ADARB2: variants seen among roughly 807,000 people sequenced by gnomAD.
ADARB2 encodes the protein inactive double-stranded RNA-specific editase B2.
Under a neutral mutation model 62.2 loss-of-function variants are expected in ADARB2, and 25 were observed. The ratio of observed to expected loss-of-function variants is 0.40; its 90% CI spans 0.29 to 0.56. The LOEUF (loss-of-function observed/expected upper bound fraction) is 0.56. ADARB2 is among the 20% of genes least tolerant of loss of function. The probability of loss-of-function intolerance (pLI) is 0.43; values close to 1 mark genes in which losing one functional copy is unlikely to be tolerated. For synonymous variants in ADARB2, 572 were observed against 500.8 expected (o/e 1.14, Z -1.90); for missense variants, 1,071 against 1,077.4 (o/e 0.99, Z 0.08).
At chr10:1,278,789 C>T (rs1216263178) in intron 3 of ADARB2, among the ~76,000 whole-genome samples, 1 of 152,032 alleles carries the variant, frequency 6.6e-6, no homozygotes, top group African/African-American at 2.4e-5. Flanking sequence ...ATGTTTTTTC[C>T]TGCATGATTA....
At position 1,398,223 on chromosome 10, in the gene ADARB2, C is replaced by G. The variant is rs540670475; in HGVS notation, c.101-19063G>C. On this transcript the variant is annotated intron_variant, in intron 1 of 9. Coordinates refer to ENST00000381312, the MANE Select transcript of ADARB2 (RefSeq NM_018702.4). The surrounding 1 kb of genome is among the most constrained non-coding windows in gnomAD (Gnocchi z 4.1). ...TGGGTCACCATCAGTCTCTCCCCTC[C>G]CGAGTGCAGGCTTCCTGGGTCACCG... is the stretch of plus-strand genomic sequence containing the variant. Among the ~76,000 whole-genome samples the G allele has an allele frequency of 2.0e-5, 3 of 151,570 alleles. No individual in the cohort carries two copies. The highest frequency in any genetic ancestry group is 4.4e-5 in the Non-Finnish European group (3 of 67,882).
At chr10:1,687,130 G>T (rs919380412) in intron 1 of ADARB2, among the ~76,000 whole-genome samples, 1 of 151,060 alleles carries the variant, frequency 6.6e-6, no homozygotes, top group African/African-American at 2.4e-5. Context: ...GGGTTCAAGC[G>T]ATTCTCCTGC....
intron 5 of ADARB2, among the ~76,000 whole-genome samples, chr10:1,240,918 C>T (rs1830914422): frequency 6.6e-6 from 1 of 152,208 alleles, no homozygotes; most frequent in Non-Finnish European, 1.5e-5. Flanking sequence ...CCGCAGGCCT[C>T]AGGGAACTGA....
chr10:1,692,794 G>T (rs933522496), intron 1 of ADARB2, among the ~76,000 whole-genome samples: 2 of 152,060 alleles, frequency 1.3e-5, no homozygotes, highest in Non-Finnish European at 2.9e-5. Context: ...GAATAAGAAC[G>T]GTCAAAATAT....
chr10:1,454,412 C>T (rs1831073484), intron 1 of ADARB2, among the ~76,000 whole-genome samples: 1 of 152,132 alleles, frequency 6.6e-6, no homozygotes, highest in African/African-American at 2.4e-5. Context: ...AATGGCAGCA[C>T]AATTTATGAT....
chr10:1,490,904 C>T (rs1028489785), intron 1 of ADARB2, among the ~76,000 whole-genome samples: 1 of 152,140 alleles, frequency 6.6e-6, no homozygotes, highest in Non-Finnish European at 1.5e-5. Context: ...GATAGGATGC[C>T]ATGTCTAAGC....
chr10:1,304,196 G>T (rs1471407732), intron 3 of ADARB2, among the ~76,000 whole-genome samples: 1 of 151,466 alleles, frequency 6.6e-6, no homozygotes, highest in Non-Finnish European at 1.5e-5. Context: ...CAAGCAAATG[G>T]AAAACAAAAA....
rs11250388 is a variant in ADARB2, at chr10:1,294,795, A to G, written c.1078-23726T>C. 4.7e-3 allele frequency among the ~76,000 whole-genome samples: 717 copies of G among 152,228 alleles called. 8 individuals are homozygous for G. The highest frequency in any genetic ancestry group is 0.016 in the African/African-American group (658 of 41,536). On this transcript the variant is annotated intron_variant, in intron 3 of 9. Transcript: ENST00000381312. ...TGCCAGCCCTAATTAGCGCTACCCA[A>G]TTCTGACAACCCATGTGCCCACAGC... is the stretch of plus-strand genomic sequence containing the variant.
intron 2 of ADARB2, among the ~76,000 whole-genome samples, chr10:1,377,814 T>G (rs1410674929): frequency 6.6e-6 from 1 of 152,112 alleles, no homozygotes; most frequent in East Asian, 1.9e-4. Flanking sequence ...TGACCTTCGC[T>G]CTGGTCCTGA....
At chr10:1,315,352 G>C (rs977413977) in intron 3 of ADARB2, among the ~76,000 whole-genome samples, 1 of 152,184 alleles carries the variant, frequency 6.6e-6, no homozygotes, top group Admixed American at 6.5e-5. Context: ...ATTGCTGCTG[G>C]GGCACCCAGC....
chr10:1,510,110 C>CTCTTTCCTTCTTTCTT (rs1831908837), intron 1 of ADARB2, among the ~76,000 whole-genome samples: 1 of 106,184 alleles, frequency 9.4e-6, no homozygotes, highest in Admixed American at 1.1e-4. Flanking sequence ...CTTTCTTTCT[C>CTCTTTCCTTCTTTCTT]TCTTTCTTTC....
At chr10:1,235,446 C>T (rs1564230560) in intron 5 of ADARB2, among the ~76,000 whole-genome samples, 3 of 33,772 alleles carry the variant, frequency 8.9e-5, no homozygotes, top group Admixed American at 8.4e-4. Context: ...ACGAACATGC[C>T]TGCATTTCCT....
intron 4 of ADARB2, among the ~76,000 whole-genome samples, chr10:1,266,018 AG>A (rs1206435291): frequency 8.7e-6 from 1 of 115,516 alleles, no homozygotes; most frequent in African/African-American, 3.6e-5. Flanking sequence ...ACGGCCTGAG[AG>A]GGGGGCCCAG....
intron 1 of ADARB2, among the ~76,000 whole-genome samples, chr10:1,476,841 G>T (rs1438906481): frequency 6.6e-6 from 1 of 152,150 alleles, no homozygotes; most frequent in African/African-American, 2.4e-5. Flanking sequence ...GGCCCTCTGG[G>T]GTGTGGAGGG....
At chr10:1,197,688 G>A (rs1836929115) in intron 8 of ADARB2, among the ~76,000 whole-genome samples, 1 of 152,220 alleles carries the variant, frequency 6.6e-6, no homozygotes. Context: ...GAGGTGGGCT[G>A]TAAAAATAAT....
intron 1 of ADARB2, among the ~76,000 whole-genome samples, chr10:1,489,304 G>C (rs974993213): frequency 3.4e-5 from 5 of 149,234 alleles, no homozygotes; most frequent in African/African-American, 1.3e-4. Context: ...TCAGCAAGGC[G>C]TGACAGTGCC....
At chr10:1,464,096 A>T (rs1831212833) in intron 1 of ADARB2, among the ~76,000 whole-genome samples, 1 of 149,894 alleles carries the variant, frequency 6.7e-6, no homozygotes, top group Admixed American at 6.6e-5. Context: ...CGCTGGGGGC[A>T]GTCACAGCGG....
intron 7 of ADARB2, among the ~76,000 whole-genome samples, chr10:1,207,449 T>G (rs981657184): frequency 2.0e-5 from 3 of 152,192 alleles, no homozygotes; most frequent in African/African-American, 7.2e-5. Flanking sequence ...AGGAAGGACC[T>G]ACACTCTGAG....
intron 3 of ADARB2, among the ~76,000 whole-genome samples, chr10:1,326,791 A>G (rs747386163): frequency 0.015 from 1,098 of 74,302 alleles, 32 homozygotes; most frequent in South Asian, 0.047. Flanking sequence ...CTCACTGCCC[A>G]GCGCCTCCCC....
Sources: gnomAD v4.1 joint callset for allele counts (sites outside exome capture counted in the v4.1 genomes callset) on GRCh38, gnomAD v4.1.1 for gene constraint, Gnocchi (gnomAD v3.1) non-coding constraint, MANE v1.5 for transcripts, NCBI Gene and HGNC (gene_info 2026-07-23, HGNC 2026-07-21) for gene names.